Variants in HERC2 observed in about 807,000 individuals in gnomAD.
HERC2 encodes E3 ubiquitin-protein ligase HERC2.
HERC2 carries 102 observed loss-of-function variants against 537.7 expected under a neutral mutation model. The ratio of observed to expected loss-of-function variants is 0.19; its 90% CI spans 0.16 to 0.22. HERC2 has a LOEUF of 0.22. Ranked by LOEUF, HERC2 falls within the 10% of genes least tolerant of loss-of-function variation. The pLI is 1.00. For missense variants in HERC2, 4,236 were observed against 6,198.2 expected (o/e 0.68, Z 10.63); for synonymous variants, 2,224 against 2,466.2 (o/e 0.90, Z 2.91).
chr15:28,253,124 C>G (rs2075136523), intron 20 of HERC2, among the ~76,000 whole-genome samples: 1 of 152,220 alleles, frequency 6.6e-6, no homozygotes, highest in African/African-American at 2.4e-5. Flanking sequence ...TTTCTAATCT[C>G]TTTCACAAAT....
Position 28,246,860 on chromosome 15 carries a change from C to T in HERC2, c.3273G>A (p.Lys1091=). 6.2e-7 allele frequency: 1 copy of T among 1,610,896 alleles called. No individual in the cohort carries two copies. The change falls in exon 22 of 93, where the codon AAG becomes AAA. Residue 1091 remains lysine (K), a synonymous_variant. Transcript: ENST00000261609. ...TGTGCGTGCACAGGAGGGCTGTGTA[C>T]TTCTTCAGCAAGGAACCAACACCCA... ...ELMGVGSLLK[K]YTALLCTHIG...
chr15:28,162,830 G>T (rs927269479), intron 69 of HERC2, among the ~76,000 whole-genome samples: 1 of 152,256 alleles, frequency 6.6e-6, no homozygotes, highest in Admixed American at 6.5e-5. Context: ...GGCAGAGCTT[G>T]CAGTGAGTCG....
rs561153009 is a variant in HERC2, at chr15:28,117,944, T to C, written c.13273-790A>G. The C allele has an allele frequency of 1.6e-4, 38 of 241,090 alleles. No homozygotes were observed. In the South Asian group the frequency reaches 1.8e-3, roughly 11 times the overall value. 14.9% of individuals were successfully genotyped at this position (241,090 alleles called of 1,614,324 possible). A position where few individuals can be genotyped will look rare whatever the true frequency, so the allele number is the denominator to read the frequency against. On this transcript the variant is annotated intron_variant, in intron 86 of 92. Transcript: ENST00000261609. ...TCTGGAAGGATGTCAAAAAGAAAAATTGAAGAAAAAATGGTCCTGAGAATG... is the reference window on the plus strand; with the variant it reads ...TCTGGAAGGATGTCAAAAAGAAAAACTGAAGAAAAAATGGTCCTGAGAATG...
chr15:28,205,231 A>C (rs1898302861), intron 45 of HERC2, among the ~76,000 whole-genome samples: 1 of 148,144 alleles, frequency 6.8e-6, no homozygotes, highest in Non-Finnish European at 1.5e-5. Flanking sequence ...CAGTTCCTGA[A>C]GGACAACTCT....
intron 4 of HERC2, among the ~76,000 whole-genome samples, chr15:28,289,541 G>A (rs377239649): frequency 6.6e-6 from 1 of 152,130 alleles, no homozygotes; most frequent in Non-Finnish European, 1.5e-5. Context: ...CCAGCACGAT[G>A]GAGATACTCC....
intron 81 of HERC2, 70 bp from the exon 82 acceptor site, chr15:28,130,664 G>T (rs1310379975): frequency 2.9e-6 from 3 of 1,034,128 alleles, no homozygotes; most frequent in East Asian, 2.4e-5. Context: ...ACCACACTGA[G>T]ATTTAACTAA....
chr15:28,196,686 T>C, intron 50 of HERC2, 117 bp from the exon 51 acceptor site: 1 of 628,726 alleles, frequency 1.6e-6, no homozygotes, highest in Non-Finnish European at 2.8e-6. Flanking sequence ...TTACAAAGAG[T>C]CTACCTTTTA....
intron 81 of HERC2, 77 bp from the exon 82 acceptor site, chr15:28,130,671 C>T: frequency 2.5e-5 from 24 of 978,810 alleles, no homozygotes; most frequent in Non-Finnish European, 3.6e-5. Context: ...TGAGATTTAA[C>T]TAAATCTAGT....
intron 45 of HERC2, among the ~76,000 whole-genome samples, chr15:28,204,171 A>C (rs115987105): frequency 0.012 from 1,754 of 152,260 alleles, 46 homozygotes; most frequent in African/African-American, 0.041. Flanking sequence ...GAATGAAATA[A>C]GAATTCTCAC....
intron 8 of HERC2, among the ~76,000 whole-genome samples, 195 bp from the exon 9 acceptor site, chr15:28,272,581 A>G (rs187625631): frequency 7.5e-4 from 114 of 152,332 alleles, no homozygotes; most frequent in African/African-American, 2.6e-3. Context: ...CCTTCTGCTC[A>G]TAAGAAAGAC....
rs1457641433 is a variant in HERC2 at position 28,218,585 on chromosome 15, C to A, written c.5932G>T (p.Ala1978Ser). The A allele has an allele frequency of 2.5e-6, 4 of 1,597,584 alleles. No homozygotes were observed. Among genetic ancestry groups the A allele is most frequent in the Admixed American group, 1.7e-5 (1 of 59,984 alleles). The change falls in exon 38 of 93, where the codon GCT becomes TCT. Residue 1978 changes from alanine to serine, a missense_variant. Physicochemically the swap from Ala to Ser is moderately conservative, Grantham distance 99. Coordinates refer to ENST00000261609, the MANE Select transcript of HERC2 (RefSeq NM_004667.6). ...INLLQTLCLS[A>S]GVHAEIMQSE... The stretch of plus-strand genomic sequence containing the variant: ...TGCATGATCTCAGCATGAACTCCAG[C>A]AGACAGACAAAGAGTCTGCAGTAAG...
chr15:28,281,869 T>C (rs1251795755), intron 4 of HERC2, among the ~76,000 whole-genome samples: 4 of 151,716 alleles, frequency 2.6e-5, no homozygotes, highest in Admixed American at 1.3e-4. Context: ...GTCACTGCAT[T>C]TGCCGCTTTT....
chr15:28,233,628 A>T, intron 28 of HERC2, 36 bp downstream of exon 28: 1 of 1,613,016 alleles, frequency 6.2e-7, no homozygotes, highest in East Asian at 2.2e-5. Context: ...AGGAATCTGC[A>T]GTGTACCTAA....
Position 28,177,070 on chromosome 15 carries a change from G to A in HERC2, c.9312C>T (p.Ile3104=), listed in dbSNP as rs766675313. 15 of 1,613,956 alleles carry A rather than the reference G, an allele frequency of 9.3e-6. No individual in the cohort carries two copies. The highest frequency in any genetic ancestry group is 8.3e-5 in the Admixed American group (5 of 60,018). Residue 3104 remains isoleucine (I), a synonymous_variant, in exon 61 of 93, where the codon ATC becomes ATT. Coordinates refer to ENST00000261609, the MANE Select transcript of HERC2 (RefSeq NM_004667.6). The surrounding 1 kb of genome is among the most constrained non-coding windows in gnomAD (Gnocchi z 5.0). The part of the protein sequence containing the change: ...EALKTKRIRD[I]ACGSSHSAAL... ...CTGCGCTGTGCGAGCTCCCACAGGC[G>A]ATATCCCGGATACGCTTGGTTTTCA... is the stretch of plus-strand genomic sequence containing the variant.
intron 48 of HERC2, among the ~76,000 whole-genome samples, chr15:28,199,224 T>A (rs1224389793): frequency 3.9e-5 from 6 of 152,174 alleles, no homozygotes; most frequent in Non-Finnish European, 7.4e-5. Context: ...GAGAAACTCT[T>A]TAGAACACTG....
At chr15:28,285,691 T>A (rs868189732) in intron 4 of HERC2, among the ~76,000 whole-genome samples, 35 of 144,260 alleles carry the variant, frequency 2.4e-4, no homozygotes, top group African/African-American at 9.1e-4. Flanking sequence ...GAAGAAATAA[T>A]TAAGGAAAGA....
intron 5 of HERC2, among the ~76,000 whole-genome samples, chr15:28,277,463 T>TAAA (rs34192629): frequency 8.7e-5 from 12 of 137,546 alleles, no homozygotes; most frequent in Non-Finnish European, 1.2e-4. Context: ...CACAATTATC[T>TAAA]AAAAAAAAAA....
chr15:28,228,374 C>T lies in HERC2; in HGVS notation c.5308G>A (p.Glu1770Lys). ...CCCAGGCTCGGTCCTGACGGGTTCT[C>T]ATTGGTGATGGTTTGCAGGGGAACC... ...QPVPLQTITN[E>K]NPSGPSLGTI... The change falls in exon 35 of 93, where the codon GAG (glutamate) becomes AAG (lysine). Residue 1770 changes from glutamate to lysine, a missense_variant. Glu to Lys is a moderately conservative substitution (Grantham distance 56). This residue lies in a region of HERC2 where 343 missense variants were observed against 417.2 expected (regional missense o/e 0.82). Coordinates refer to ENST00000261609, the MANE Select transcript of HERC2 (RefSeq NM_004667.6). 1.2e-6 allele frequency: 2 copies of T among 1,612,074 alleles called. No individual in the cohort carries two copies. The highest frequency in any genetic ancestry group is 1.7e-6 in the Non-Finnish European group (2 of 1,179,868).
At chr15:28,286,485 A>G (rs2076161340) in intron 4 of HERC2, among the ~76,000 whole-genome samples, 2 of 152,196 alleles carry the variant, frequency 1.3e-5, no homozygotes, top group Admixed American at 1.3e-4. Flanking sequence ...AACCCACCCT[A>G]TTAATAGGCT....
Sources: allele counts gnomAD v4.1 joint callset (sites outside exome capture counted in the v4.1 genomes callset), GRCh38; gene constraint gnomAD v4.1.1; regional missense constraint gnomAD v4.1.1; non-coding constraint Gnocchi (gnomAD v3.1); transcripts MANE v1.5; gene names NCBI Gene and HGNC (gene_info 2026-07-23, HGNC 2026-07-21).